PPARGC1A: variants seen among roughly 807,000 people sequenced by gnomAD.
The protein encoded by PPARGC1A is PPARG coactivator 1 alpha, also known as peroxisome proliferator-activated receptor gamma coactivator 1-alpha.
In PPARGC1A, 25 loss-of-function variants were observed where a neutral mutation model predicts 88.7. The ratio of observed to expected loss-of-function variants is 0.28; its 90% CI spans 0.21 to 0.39. The LOEUF is 0.39. Among genes scored for constraint, PPARGC1A ranks in the 10% least tolerant of loss-of-function variants. PPARGC1A has a pLI of 1.00. For missense variants in PPARGC1A, 880 were observed against 968.7 expected, an observed-to-expected ratio of 0.91 and a Z score of 1.22; for synonymous variants, 363 against 355.6, an observed-to-expected ratio of 1.02 and a Z score of -0.24.
chr4:24,387,900 G>A, the PPARGC1A span, among the ~76,000 whole-genome samples: 1 of 33,692 alleles, frequency 3.0e-5, no homozygotes, highest in African/African-American at 9.2e-5. Context: ...GAAAGAAAAA[G>A]AAAGAGAAAG....
At position 23,877,034 on chromosome 4, in the gene PPARGC1A, C is replaced by T. The variant is rs149173549; in HGVS notation, c.234+7718G>A. On this transcript the variant is annotated intron_variant, in intron 2 of 12. Transcript: ENST00000264867. ...GAAAAGGCACAAAAGTATCTTCTAT[C>T]ATCACTTTGGGACAAATGGCTTAAT... is the stretch of plus-strand genomic sequence containing the variant. Among the ~76,000 whole-genome samples, 526 of 152,206 alleles carry T rather than the reference C, an allele frequency of 3.5e-3. 4 individuals carry two copies. Among genetic ancestry groups the T allele is most frequent in the African/African-American group, 0.01 (431 of 41,550 alleles).
chr4:23,821,068 C>T (rs1410704674), intron 7 of PPARGC1A, among the ~76,000 whole-genome samples: 1 of 152,112 alleles, frequency 6.6e-6, no homozygotes, highest in East Asian at 1.9e-4. Context: ...ACAGACTTGG[C>T]CTTAGAATCT....
chr4:24,194,870 T>C, the PPARGC1A span, among the ~76,000 whole-genome samples: 1 of 152,144 alleles, frequency 6.6e-6, no homozygotes, highest in Non-Finnish European at 1.5e-5. Flanking sequence ...AACCAAAATC[T>C]TTTCCAGCAT....
Position 23,887,586 on chromosome 4 carries a change from C to G in PPARGC1A, c.54+2318G>C, listed in dbSNP as rs180722786. 9.9e-5 allele frequency among the ~76,000 whole-genome samples: 15 copies of G among 152,282 alleles called. No individual in the cohort carries two copies. The East Asian group carries it at 2.5e-3, about 25-fold the overall frequency. On this transcript the variant is annotated intron_variant, in intron 1 of 12. Coordinates refer to ENST00000264867, the MANE Select transcript of PPARGC1A (RefSeq NM_013261.5). ...AAGAGGATAAAGCAGTCACTAAACA[C>G]AAAAGGCTAATTATTGTATGTTATT... is the stretch of plus-strand genomic sequence containing the variant.
At chr4:24,351,976 G>A in the PPARGC1A span, among the ~76,000 whole-genome samples, 1 of 152,074 alleles carries the variant, frequency 6.6e-6, no homozygotes, top group Non-Finnish European at 1.5e-5. Context: ...ATGTTCTTTG[G>A]GTTCTGGGGT....
the PPARGC1A span, among the ~76,000 whole-genome samples, chr4:23,915,404 C>A: frequency 6.6e-6 from 1 of 152,146 alleles, no homozygotes; most frequent in African/African-American, 2.4e-5. Context: ...ATTTCACTAT[C>A]CAACAAAAGA....
the PPARGC1A span, among the ~76,000 whole-genome samples, chr4:24,051,187 C>CAAA: frequency 0.028 from 1,630 of 57,408 alleles, 102 homozygotes; most frequent in South Asian, 0.038. Flanking sequence ...GACTCTGTCT[C>CAAA]AAAAAAAAAA....
the PPARGC1A span, among the ~76,000 whole-genome samples, chr4:24,284,885 G>A: frequency 6.6e-6 from 1 of 152,068 alleles, no homozygotes; most frequent in Non-Finnish European, 1.5e-5. Flanking sequence ...AAAATTAGGT[G>A]GGCATGGTGG....
the PPARGC1A span, among the ~76,000 whole-genome samples, chr4:24,427,074 G>C: frequency 2.0e-5 from 3 of 152,162 alleles, no homozygotes; most frequent in Non-Finnish European, 4.4e-5. Flanking sequence ...ACCTGTTGGG[G>C]AGGAAGCAAG....
the PPARGC1A span, among the ~76,000 whole-genome samples, chr4:23,996,560 G>A: frequency 4.3e-4 from 66 of 152,122 alleles, no homozygotes; most frequent in African/African-American, 1.6e-3. Context: ...CCTCTGCTAC[G>A]TACTTCCCCT....
At chr4:23,964,148 C>A in the PPARGC1A span, among the ~76,000 whole-genome samples, 1 of 152,178 alleles carries the variant, frequency 6.6e-6, no homozygotes, top group Non-Finnish European at 1.5e-5. Flanking sequence ...AAGCTGGGAA[C>A]TGTTCTTTTA....
At chr4:23,799,441 GA>G (rs530572659) in intron 12 of PPARGC1A, among the ~76,000 whole-genome samples, 118 of 152,318 alleles carry the variant, frequency 7.7e-4, no homozygotes, top group Middle Eastern at 3.4e-3. Context: ...TGAAGAAGCA[GA>G]ACTGAAGGGG....
the PPARGC1A span, among the ~76,000 whole-genome samples, chr4:24,402,384 C>T: frequency 1.3e-5 from 2 of 152,184 alleles, no homozygotes; most frequent in African/African-American, 4.8e-5. Context: ...GCCCAAACGG[C>T]AACAACAGCC....
the PPARGC1A span, among the ~76,000 whole-genome samples, chr4:24,002,885 G>A: frequency 6.6e-6 from 1 of 152,126 alleles, no homozygotes; most frequent in African/African-American, 2.4e-5. Flanking sequence ...TTCTGTAAGG[G>A]ACCCACATTA....
chr4:24,129,588 A>G, the PPARGC1A span, among the ~76,000 whole-genome samples: 545 of 152,290 alleles, frequency 3.6e-3, 3 homozygotes, highest in African/African-American at 0.012. Context: ...TCAGTGTGGC[A>G]ATTCCTCAGG....
chr4:24,129,852 T>C, the PPARGC1A span, among the ~76,000 whole-genome samples: 1 of 152,120 alleles, frequency 6.6e-6, no homozygotes, highest in Non-Finnish European at 1.5e-5. Context: ...TGTGGGGACA[T>C]GGATGAAGCT....
At chr4:24,184,817 C>G in the PPARGC1A span, among the ~76,000 whole-genome samples, 9 of 152,194 alleles carry the variant, frequency 5.9e-5, no homozygotes, top group Non-Finnish European at 1.2e-4. Context: ...CAAGAAACAG[C>G]TTTCTTCAGA....
the PPARGC1A span, among the ~76,000 whole-genome samples, chr4:24,039,169 G>T: frequency 6.6e-6 from 1 of 151,928 alleles, no homozygotes. Flanking sequence ...TAATTTATTC[G>T]CTTTCCAATT....
chr4:23,830,876 T>C lies in PPARGC1A; in HGVS notation c.429+681A>G, dbSNP rs147303590. Among the ~76,000 whole-genome samples the C allele has an allele frequency of 8.5e-5, 13 of 152,326 alleles. No individual in the cohort carries two copies. In the East Asian group the frequency reaches 2.5e-3, roughly 29 times the overall value. On this transcript the variant is annotated intron_variant, in intron 3 of 12. Coordinates refer to ENST00000264867, the MANE Select transcript of PPARGC1A (RefSeq NM_013261.5). ...TTCAGTCTTCATTGTCTACCATAAA[T>C]TTAAGTAACTTGGGTGGCAAACGTG... is the stretch of plus-strand genomic sequence containing the variant.
Sources: allele counts gnomAD v4.1 joint callset (sites outside exome capture counted in the v4.1 genomes callset), GRCh38; gene constraint gnomAD v4.1.1; transcripts MANE v1.5; gene names NCBI Gene and HGNC (gene_info 2026-07-23, HGNC 2026-07-21).